The following CMSS1 variants were observed in gnomAD, a reference collection of about 807,000 sequenced individuals.
CMSS1 encodes the protein cms1 ribosomal small subunit homolog.
In CMSS1, 33 loss-of-function variants were observed where a neutral mutation model predicts 43.5. The observed-to-expected ratio is 0.76, with a 90% CI of 0.57 to 1.01. The LOEUF is 1.01. Among genes scored for constraint, CMSS1 ranks in the 50% least tolerant of loss-of-function variants. The probability of loss-of-function intolerance (pLI) is 0.00; values close to 1 mark genes in which losing one functional copy is unlikely to be tolerated. For synonymous variants in CMSS1, 115 were observed against 117.2 expected, an observed-to-expected ratio of 0.98 and a Z score of 0.12; for missense variants, 313 against 326.4, an observed-to-expected ratio of 0.96 and a Z score of 0.32.
chr3:100,065,412 T>C (rs2065647005), intron 1 of CMSS1, among the ~76,000 whole-genome samples: 1 of 152,188 alleles, frequency 6.6e-6, no homozygotes, highest in Non-Finnish European at 1.5e-5. Context: ...TAACTTTGCC[T>C]AAAATCATCC....
intron 1 of CMSS1, among the ~76,000 whole-genome samples, chr3:99,853,713 T>C (rs1943819035): frequency 6.6e-6 from 1 of 152,248 alleles, no homozygotes; most frequent in Admixed American, 6.5e-5. Context: ...TGTCTGATTA[T>C]TTGAATGCAT....
intron 1 of CMSS1, among the ~76,000 whole-genome samples, chr3:100,092,244 T>C (rs1054890832): frequency 6.6e-6 from 1 of 152,148 alleles, no homozygotes; most frequent in South Asian, 2.1e-4. Flanking sequence ...AAATAAGAAT[T>C]GATTGTGATT....
intron 1 of CMSS1, among the ~76,000 whole-genome samples, chr3:100,146,032 C>T (rs1426871084): frequency 1.3e-5 from 2 of 152,152 alleles, no homozygotes; most frequent in African/African-American, 4.8e-5. Context: ...TCTGACAGAA[C>T]ATGTTCACAT....
At chr3:99,975,640 A>T (rs966713310) in intron 1 of CMSS1, among the ~76,000 whole-genome samples, 1 of 152,158 alleles carries the variant, frequency 6.6e-6, no homozygotes, top group African/African-American at 2.4e-5. Context: ...AAAAAGAGAA[A>T]CTAGGGTAAA....
At chr3:100,087,854 T>TTTG (rs2066038458) in intron 1 of CMSS1, among the ~76,000 whole-genome samples, 1 of 134,268 alleles carries the variant, frequency 7.4e-6, no homozygotes, top group African/African-American at 2.7e-5. Flanking sequence ...TTTTTTTTTT[T>TTTG]GAGTCTCACT....
chr3:99,952,219 G>T (rs1215504609), intron 1 of CMSS1, among the ~76,000 whole-genome samples: 2 of 151,846 alleles, frequency 1.3e-5, no homozygotes, highest in African/African-American at 4.8e-5. Context: ...TTCTATTTGA[G>T]ATCTGATATA....
rs908454348 is a variant in CMSS1, at chr3:99,867,779, T to C, written c.64+49736T>C. Reference sequence around the variant, plus strand: ...GTATACAAATTCACATGTCAAGAGATTTTATGGCTCATCAAGTCTCAATGG... The same window carrying C: ...GTATACAAATTCACATGTCAAGAGACTTTATGGCTCATCAAGTCTCAATGG... On this transcript the variant is annotated intron_variant, in intron 1 of 9. Transcript: ENST00000421999. Among the ~76,000 whole-genome samples, 7 of 152,154 alleles carry C rather than the reference T, an allele frequency of 4.6e-5. No homozygotes were observed. The South Asian group carries it at 1.0e-3, about 23-fold the overall frequency.
intron 1 of CMSS1, among the ~76,000 whole-genome samples, chr3:99,985,212 A>G (rs1210991985): frequency 1.3e-5 from 2 of 152,182 alleles, no homozygotes; most frequent in South Asian, 2.1e-4. Context: ...GAAAACTGCA[A>G]TTGGTTCTCT....
At chr3:99,975,526 A>G (rs1708943905) in intron 1 of CMSS1, among the ~76,000 whole-genome samples, 1 of 152,000 alleles carries the variant, frequency 6.6e-6, no homozygotes, top group African/African-American at 2.4e-5. Context: ...CGGGAGGCAG[A>G]CGTTGCAGTG....
intron 1 of CMSS1, among the ~76,000 whole-genome samples, chr3:100,069,824 A>G (rs1419500906): frequency 6.6e-6 from 1 of 152,118 alleles, no homozygotes; most frequent in Non-Finnish European, 1.5e-5. Flanking sequence ...AAGCAGAAAT[A>G]TTTGCCCTAC....
intron 1 of CMSS1, among the ~76,000 whole-genome samples, chr3:100,035,685 C>A (rs1330313696): frequency 2.0e-5 from 3 of 152,144 alleles, no homozygotes; most frequent in South Asian, 2.1e-4. Context: ...TTTTATCATT[C>A]TGATATAGGG....
chr3:100,059,373 T>TG (rs528468370), intron 1 of CMSS1, among the ~76,000 whole-genome samples: 100 of 152,358 alleles, frequency 6.6e-4, no homozygotes, highest in African/African-American at 2.3e-3. Context: ...CCTGTGTCCT[T>TG]GTCCGTGGCT....
chr3:99,939,443 T>C (rs1707790214), intron 1 of CMSS1, among the ~76,000 whole-genome samples: 1 of 152,238 alleles, frequency 6.6e-6, no homozygotes, highest in East Asian at 1.9e-4. Context: ...TTTATTCATT[T>C]CTTACACCAC....
intron 1 of CMSS1, among the ~76,000 whole-genome samples, chr3:99,935,198 CA>C (rs1304205154): frequency 6.7e-6 from 1 of 150,326 alleles, no homozygotes; most frequent in African/African-American, 2.5e-5. Flanking sequence ...GTGCTTGGCC[CA>C]GGGGTGCATA....
chr3:100,147,171 A>G, intron 2 of CMSS1, 110 bp downstream of exon 2: 1 of 1,166,714 alleles, frequency 8.6e-7, no homozygotes, highest in Non-Finnish European at 1.2e-6. Context: ...GGGATTTAAG[A>G]GAGCCTTTTA....
chr3:100,055,297 C>T (rs998314150), intron 1 of CMSS1, among the ~76,000 whole-genome samples: 2 of 152,174 alleles, frequency 1.3e-5, no homozygotes, highest in Non-Finnish European at 2.9e-5. Context: ...TTTAGCATTA[C>T]TGAACACCTC....
intron 1 of CMSS1, among the ~76,000 whole-genome samples, chr3:99,977,938 T>C (rs1419536472): frequency 6.6e-6 from 1 of 151,882 alleles, no homozygotes; most frequent in Non-Finnish European, 1.5e-5. Flanking sequence ...GCAGGAAAAA[T>C]AGAAACAGGC....
intron 1 of CMSS1, among the ~76,000 whole-genome samples, chr3:99,920,312 AT>A (rs1333719217): frequency 3.9e-5 from 6 of 152,242 alleles, no homozygotes; most frequent in Non-Finnish European, 4.4e-5. Context: ...AGAAAAAAAA[AT>A]ATGCAAGCTT....
chr3:100,008,604 ATGG>A (rs1710055473), intron 1 of CMSS1, among the ~76,000 whole-genome samples: 1 of 152,236 alleles, frequency 6.6e-6, no homozygotes, highest in South Asian at 2.1e-4. Context: ...ACAGGGAACA[ATGG>A]TGGGGTTAAT....
Sources: allele counts gnomAD v4.1 joint callset (sites outside exome capture counted in the v4.1 genomes callset), GRCh38; gene constraint gnomAD v4.1.1; transcripts MANE v1.5; gene names NCBI Gene and HGNC (gene_info 2026-07-23, HGNC 2026-07-21).